GPC3: variants seen among roughly 807,000 people sequenced by gnomAD.
GPC3 encodes the protein glypican 3.
In GPC3, 3 loss-of-function variants were observed where a neutral mutation model predicts 34.4. The ratio of observed to expected loss-of-function variants is 0.09; its 90% CI spans 0.04 to 0.23. The LOEUF (loss-of-function observed/expected upper bound fraction) is 0.23, where lower values mean the gene tolerates loss of function less well. Among genes scored for constraint, GPC3 ranks in the 10% least tolerant of loss-of-function variants. The pLI is 1.00. For synonymous variants in GPC3, 177 were observed against 174.0 expected (o/e 1.02, Z -0.13); for missense variants, 351 against 445.6 (o/e 0.79, Z 1.91).
Position 133,753,514 on chromosome X carries a change from C to A in GPC3, c.1000G>T (p.Val334Phe). 8.3e-7 allele frequency: 1 copy of A among 1,210,081 alleles called. No individual in the cohort carries two copies. The highest frequency in any genetic ancestry group is 1.1e-6 in the Non-Finnish European group (1 of 893,979). Residue 334 changes from valine to phenylalanine, a missense_variant, in exon 3 of 8, where the codon GTC (valine) becomes TTC (phenylalanine). Physicochemically the swap from Val to Phe is conservative, Grantham distance 50. Transcript: ENST00000370818. ...GTCAGCTTTCCTGCATTCTTCTGGA[C>A]ATACTGGATAGAATCATGGATTGTT... ...FSTIHDSIQY[V>F]QKNAGKLTTT...
intron 2 of GPC3, among the ~76,000 whole-genome samples, chrX:133,891,202 A>G (rs970295492): frequency 2.7e-5 from 3 of 111,621 alleles, no homozygotes; most frequent in African/African-American, 9.8e-5. Flanking sequence ...ATATTGTATG[A>G]TTCCATTTAG....
At chrX:133,791,797 TTTCCTTCC>T (rs199692354) in intron 2 of GPC3, among the ~76,000 whole-genome samples, 3,698 of 80,160 alleles carry the variant, frequency 0.046, 254 homozygotes, top group African/African-American at 0.16. Flanking sequence ...TCCTTTTTCT[TTTCCTTCC>T]TTCCTTCCTT....
chrX:133,851,405 C>G (rs934642025), intron 2 of GPC3, among the ~76,000 whole-genome samples: 1 of 111,987 alleles, frequency 8.9e-6, no homozygotes, highest in African/African-American at 3.2e-5. Context: ...ATCTTACCCT[C>G]CTGATAAACC....
chrX:133,960,567 T>C (rs1359353617), intron 1 of GPC3, among the ~76,000 whole-genome samples: 3 of 111,680 alleles, frequency 2.7e-5, no homozygotes, highest in South Asian at 3.8e-4. Context: ...AGATAAAGCA[T>C]ATTCAAACAG....
intron 1 of GPC3, among the ~76,000 whole-genome samples, chrX:133,981,275 C>T (rs758775597): frequency 9.0e-6 from 1 of 111,690 alleles, no homozygotes; most frequent in Non-Finnish European, 1.9e-5. Flanking sequence ...TACTTGTATG[C>T]TTCCCCACTA....
intron 2 of GPC3, among the ~76,000 whole-genome samples, chrX:133,922,999 C>A (rs999833124): frequency 1.8e-5 from 2 of 111,033 alleles, no homozygotes; most frequent in Admixed American, 9.6e-5. Context: ...CCCAAGGTCA[C>A]ATAGAGGCAG....
At chrX:133,853,900 A>ATAGAAGC (rs1351883659) in intron 2 of GPC3, among the ~76,000 whole-genome samples, 1 of 112,114 alleles carries the variant, frequency 8.9e-6, no homozygotes, top group East Asian at 2.8e-4. Context: ...CTATGCTCTT[A>ATAGAAGC]TAGAAGCTAC....
chrX:133,642,579 C>G (rs1479968376), intron 6 of GPC3, among the ~76,000 whole-genome samples: 2 of 109,733 alleles, frequency 1.8e-5, no homozygotes, highest in African/African-American at 6.6e-5. Context: ...CAAGACCAAC[C>G]TGACCAACAT....
intron 2 of GPC3, among the ~76,000 whole-genome samples, chrX:133,934,355 C>T (rs952329817): frequency 1.3e-4 from 14 of 108,356 alleles, no homozygotes; most frequent in African/African-American, 4.0e-4. Context: ...ACCACCACGC[C>T]TGGCTAATTT....
intron 2 of GPC3, among the ~76,000 whole-genome samples, chrX:133,882,680 C>T (rs1337704725): frequency 9.0e-6 from 1 of 110,914 alleles, no homozygotes; most frequent in Non-Finnish European, 1.9e-5. Flanking sequence ...AGTTACTCAC[C>T]AACTCTATGC....
chrX:133,670,400 T>C (rs1245526150), intron 5 of GPC3, among the ~76,000 whole-genome samples: 1 of 111,931 alleles, frequency 8.9e-6, no homozygotes, highest in Non-Finnish European at 1.9e-5. Flanking sequence ...TTGCTAGTAC[T>C]GATTTAGGAC....
At chrX:133,810,113 T>C (rs1266257671) in intron 2 of GPC3, among the ~76,000 whole-genome samples, 1 of 112,123 alleles carries the variant, frequency 8.9e-6, no homozygotes, top group Non-Finnish European at 1.9e-5. Flanking sequence ...CTGAGAGTTT[T>C]ACTCATTCTC....
At chrX:133,589,582 G>A (rs2069826732) in intron 7 of GPC3, among the ~76,000 whole-genome samples, 1 of 110,143 alleles carries the variant, frequency 9.1e-6, no homozygotes, top group South Asian at 4.0e-4. Context: ...CTCCATGTTG[G>A]TCAGGCTGGT....
chrX:133,897,148 C>T (rs781465068), intron 2 of GPC3, among the ~76,000 whole-genome samples: 33 of 108,130 alleles, frequency 3.1e-4, no homozygotes, highest in Non-Finnish European at 5.6e-4. Flanking sequence ...CCTCATGATC[C>T]GCCCACCTTG....
At chrX:133,880,066 G>A (rs2076035008) in intron 2 of GPC3, among the ~76,000 whole-genome samples, 1 of 111,503 alleles carries the variant, frequency 9.0e-6, no homozygotes. Flanking sequence ...GTATCCCAAT[G>A]TTTATGGCTA....
At position 133,699,890 on chromosome X, in the gene GPC3, C is replaced by G. The variant is rs2071150925; in HGVS notation, c.1166+5G>C. ...TGTGGAATAAAGAAAAAAGAAACCTCTCACCTTCTTCGGCTGGATAAGGTT... is the reference window on the plus strand; with the variant it reads ...TGTGGAATAAAGAAAAAAGAAACCTGTCACCTTCTTCGGCTGGATAAGGTT... On this transcript the variant is annotated splice_donor_5th_base_variant and intron_variant, in intron 4 of 7. Transcript: ENST00000370818. 1 of 1,199,788 alleles carries G rather than the reference C, an allele frequency of 8.3e-7. No homozygotes were observed. Among genetic ancestry groups the G allele is most frequent in the Non-Finnish European group, 1.1e-6 (1 of 888,474 alleles).
Position 133,753,835 on chromosome X carries a change from T to C in GPC3, c.679A>G (p.Arg227Gly). Residue 227 changes from arginine to glycine, a missense_variant, in exon 3 of 8, where the codon AGG becomes GGG. Physicochemically the swap from Arg to Gly is moderately radical, Grantham distance 125. Transcript: ENST00000370818. Reference sequence around the variant, plus strand: ...AGATTCAGAGCCTGAAGGAAGATCCTAGTGACTTGCAGTGACTTGGAAACC... The same window carrying C: ...AGATTCAGAGCCTGAAGGAAGATCCCAGTGACTTGCAGTGACTTGGAAACC... ...TQVSKSLQVT[R>G]IFLQALNLGI... 8.3e-7 allele frequency: 1 copy of C among 1,210,148 alleles called. No homozygotes were observed. The highest frequency in any genetic ancestry group is 1.1e-6 in the Non-Finnish European group (1 of 893,900).
intron 3 of GPC3, among the ~76,000 whole-genome samples, chrX:133,706,191 A>G (rs58665373): frequency 6.2e-5 from 7 of 112,560 alleles, no homozygotes; most frequent in African/African-American, 2.3e-4. Context: ...ATATACAAAA[A>G]TTAACTCAAG....
intron 2 of GPC3, among the ~76,000 whole-genome samples, chrX:133,792,167 C>T (rs867170531): frequency 9.0e-6 from 1 of 110,924 alleles, no homozygotes; most frequent in African/African-American, 3.3e-5. Flanking sequence ...CTTCATAGTA[C>T]TTACCATAAA....
Sources: gnomAD v4.1 joint callset for allele counts (sites outside exome capture counted in the v4.1 genomes callset) on GRCh38, gnomAD v4.1.1 for gene constraint, MANE v1.5 for transcripts, NCBI Gene and HGNC (gene_info 2026-07-23, HGNC 2026-07-21) for gene names.